The following STK26 variants were observed in gnomAD, a reference collection of about 807,000 sequenced individuals.
STK26 encodes the protein serine/threonine kinase 26.
STK26 carries 14 observed loss-of-function variants against 34.7 expected under a neutral mutation model. That is an observed-to-expected ratio of 0.40 (90% confidence interval 0.27 to 0.63). The LOEUF (loss-of-function observed/expected upper bound fraction) is 0.63. Among genes scored for constraint, STK26 ranks in the 30% least tolerant of loss-of-function variants. The pLI is 0.38. For synonymous variants in STK26, 100 were observed against 109.8 expected, an observed-to-expected ratio of 0.91 and a Z score of 0.56; for missense variants, 226 against 309.1, an observed-to-expected ratio of 0.73 and a Z score of 2.02.
At chrX:132,048,941 C>T (rs1266098684) in intron 2 of STK26, among the ~76,000 whole-genome samples, 1 of 111,148 alleles carries the variant, frequency 9.0e-6, no homozygotes, top group Non-Finnish European at 1.9e-5. Context: ...AAGAGTTATA[C>T]GGCTGTTGAC....
At position 132,023,367 on chromosome X, in the gene STK26, A is replaced by C. The variant is rs753692361; in HGVS notation, c.-151A>C. On this transcript the variant is annotated 5_prime_UTR_variant, in exon 1 of 12. Transcript: ENST00000394334. ...CTCGGCGTTCAGGAAGAGGAGCAGC[A>C]GCGGAGGCGGCTGCTTCAGCGGCGG... The C allele has an allele frequency of 3.8e-6, 2 of 522,183 alleles. No individual in the cohort carries two copies. The highest frequency in any genetic ancestry group is 2.3e-5 in the Admixed American group (1 of 43,872). 43.0% of individuals were successfully genotyped at this position (522,183 alleles called of 1,213,427 possible). A position where few individuals can be genotyped will look rare whatever the true frequency, so the allele number is the denominator to read the frequency against.
At chrX:132,026,492 G>C (rs1225706892) in intron 2 of STK26, among the ~76,000 whole-genome samples, 3 of 110,611 alleles carry the variant, frequency 2.7e-5, no homozygotes, top group Admixed American at 9.6e-5. Flanking sequence ...AATATTTAAA[G>C]TACAACTTAA....
rs766456813 is a variant in STK26 at position 132,074,558 on chromosome X, C to CT, written c.*409dup. On this transcript the variant is annotated 3_prime_UTR_variant, in exon 12 of 12. Coordinates refer to ENST00000394334, the MANE Select transcript of STK26 (RefSeq NM_016542.4). ...TTGTAAATTATCAAGCTTCAAAAAG[C>CT]TTTTTTTTTTAAAAAAAAACATGCA... 2.2e-3 allele frequency: 248 copies of CT among 113,715 alleles called. 1 individual carries two copies. The highest frequency in any genetic ancestry group is 7.4e-3 in the African/African-American group (223 of 30,058). 9.4% of individuals were successfully genotyped at this position (113,715 alleles called of 1,213,427 possible).
At chrX:132,055,741 T>C (rs58519314) in intron 3 of STK26, among the ~76,000 whole-genome samples, 16,902 of 111,565 alleles carry the variant, frequency 0.15, 1,127 homozygotes, top group Non-Finnish European at 0.21. Context: ...AGGAGGGAAG[T>C]GTTTGTTGTT....
chrX:132,026,678 A>C (rs1935108857), intron 2 of STK26, among the ~76,000 whole-genome samples: 1 of 112,335 alleles, frequency 8.9e-6, no homozygotes, highest in Non-Finnish European at 1.9e-5. Flanking sequence ...TTGATTGTTA[A>C]ATCTTTCGTA....
chrX:132,031,719 A>C (rs1872364657), intron 2 of STK26, among the ~76,000 whole-genome samples: 1 of 111,955 alleles, frequency 8.9e-6, no homozygotes, highest in Non-Finnish European at 1.9e-5. Flanking sequence ...TGCATTTCTT[A>C]CTTGGTCATT....
intron 2 of STK26, among the ~76,000 whole-genome samples, chrX:132,037,929 A>G (rs928090879): frequency 1.8e-5 from 2 of 109,724 alleles, no homozygotes; most frequent in Admixed American, 2.0e-4. Flanking sequence ...TCGAGGTTTT[A>G]GCATAGGTGA....
In STK26 at chrX:132,075,808, T is replaced by C. The variant is rs1927582215; in HGVS notation, c.*1649T>C. The C allele has an allele frequency of 8.9e-6, 1 of 112,167 alleles. No individual in the cohort carries two copies. Among genetic ancestry groups the C allele is most frequent in the South Asian group, 3.6e-4 (1 of 2,749 alleles). 9.2% of individuals were successfully genotyped at this position (112,167 alleles called of 1,213,427 possible). ...AATTTATAAATTGATTATTTGAAACTTTACAACACAATTGCATCCCAAATA... is the reference window on the plus strand; with the variant it reads ...AATTTATAAATTGATTATTTGAAACCTTACAACACAATTGCATCCCAAATA... On this transcript the variant is annotated 3_prime_UTR_variant, in exon 12 of 12. Transcript: ENST00000394334.
At chrX:132,071,364 C>T in intron 8 of STK26, 147 bp downstream of exon 8, 1 of 667,566 alleles carries the variant, frequency 1.5e-6, no homozygotes, top group Non-Finnish European at 2.2e-6. Context: ...CTTTTTCAAT[C>T]ACAGTCTGTG....
At chrX:132,025,835 G>A (rs1444051326) in intron 2 of STK26, among the ~76,000 whole-genome samples, 2 of 110,868 alleles carry the variant, frequency 1.8e-5, no homozygotes, top group Non-Finnish European at 3.8e-5. Context: ...CTTGAAGCTA[G>A]ACTATTTTTA....
intron 2 of STK26, among the ~76,000 whole-genome samples, chrX:132,029,948 C>G (rs1189550525): frequency 1.8e-5 from 2 of 111,657 alleles, no homozygotes; most frequent in African/African-American, 6.5e-5. Context: ...ATGTATTTCA[C>G]TTTTCTTTAT....
At chrX:132,053,146 A>G (rs1183523130) in intron 2 of STK26, among the ~76,000 whole-genome samples, 2 of 112,220 alleles carry the variant, frequency 1.8e-5, no homozygotes, top group Non-Finnish European at 3.8e-5. Flanking sequence ...AGCCTAAGCT[A>G]TTTTTAAAAG....
chrX:132,057,168 A>G (rs1435716951), intron 3 of STK26, among the ~76,000 whole-genome samples: 1 of 112,097 alleles, frequency 8.9e-6, no homozygotes, highest in Non-Finnish European at 1.9e-5. Context: ...GAGCTGCATC[A>G]GTTTTCAGAG....
intron 11 of STK26, among the ~76,000 whole-genome samples, chrX:132,073,503 T>C (rs1488422202): frequency 1.8e-5 from 2 of 111,816 alleles, no homozygotes; most frequent in Non-Finnish European, 3.8e-5. Flanking sequence ...TTGATCTCCA[T>C]ATGAAAAGTT....
chrX:132,031,669 A>C (rs1569326360), intron 2 of STK26, among the ~76,000 whole-genome samples: 1 of 112,276 alleles, frequency 8.9e-6, no homozygotes, highest in South Asian at 3.7e-4. Flanking sequence ...TTGTGTATAC[A>C]TACCACATTT....
intron 2 of STK26, among the ~76,000 whole-genome samples, chrX:132,043,971 T>A (rs1247256165): frequency 8.9e-6 from 1 of 112,162 alleles, no homozygotes; most frequent in Non-Finnish European, 1.9e-5. Context: ...ATTATGTTAA[T>A]CACATGAAAA....
At chrX:132,067,296 C>T (rs1359536340) in intron 4 of STK26, among the ~76,000 whole-genome samples, 5 of 111,579 alleles carry the variant, frequency 4.5e-5, no homozygotes, top group Non-Finnish European at 7.5e-5. Flanking sequence ...CAGTGTGAGG[C>T]AGAGTGGGCA....
In STK26 at chrX:132,072,991, A is replaced by T; in HGVS notation, c.1124A>T (p.Asn375Ile). The T allele has an allele frequency of 8.3e-7, 1 of 1,211,184 alleles. No individual in the cohort carries two copies. Among genetic ancestry groups the T allele is most frequent in the Non-Finnish European group, 1.1e-6 (1 of 894,916 alleles). ...CAGGACGAGAATAACGCTAGCAGGAATCAGGCGATTGAAGAACTCGAGAAA... is the reference window on the plus strand; with the variant it reads ...CAGGACGAGAATAACGCTAGCAGGATTCAGGCGATTGAAGAACTCGAGAAA... ...KQQDENNASR[N>I]QAIEELEKSI... The change falls in exon 11 of 12, where the codon AAT becomes ATT. Residue 375 changes from asparagine to isoleucine, a missense_variant. Coordinates refer to ENST00000394334, the MANE Select transcript of STK26 (RefSeq NM_016542.4).
intron 2 of STK26, among the ~76,000 whole-genome samples, chrX:132,043,841 G>A (rs757792962): frequency 9.0e-6 from 1 of 111,325 alleles, no homozygotes; most frequent in East Asian, 2.8e-4. Flanking sequence ...GTATGTGGCT[G>A]CTACCAACTC....
Sources: allele counts gnomAD v4.1 joint callset (sites outside exome capture counted in the v4.1 genomes callset), GRCh38; gene constraint gnomAD v4.1.1; transcripts MANE v1.5; gene names NCBI Gene and HGNC (gene_info 2026-07-23, HGNC 2026-07-21).